Variants in SGCZ observed in about 807,000 individuals in gnomAD.
SGCZ encodes sarcoglycan zeta.
A neutral mutation model predicts 41.3 loss-of-function variants in SGCZ; 40 were observed. That is an observed-to-expected ratio of 0.97 (90% confidence interval 0.75 to 1.26). The LOEUF (loss-of-function observed/expected upper bound fraction) is 1.26, where lower values mean the gene tolerates loss of function less well. Among genes scored for constraint, SGCZ ranks in the 50% most tolerant of loss-of-function variants. SGCZ has a pLI of 0.00. For missense variants in SGCZ, 552 were observed against 369.8 expected (o/e 1.49, Z -4.04); for synonymous variants, 206 against 137.5 (o/e 1.50, Z -3.49).
At chr8:14,385,304 T>C (rs1008847019) in intron 2 of SGCZ, among the ~76,000 whole-genome samples, 1 of 152,146 alleles carries the variant, frequency 6.6e-6, no homozygotes, top group African/African-American at 2.4e-5. Context: ...TTTCTAGTTG[T>C]AAGTTAACTA....
chr8:14,301,222 C>T (rs1801175707), intron 3 of SGCZ, among the ~76,000 whole-genome samples: 1 of 152,010 alleles, frequency 6.6e-6, no homozygotes, highest in East Asian at 1.9e-4. Context: ...TCTGATTCCC[C>T]AATGTATGTA....
chr8:14,322,935 C>G (rs531020118), intron 3 of SGCZ, among the ~76,000 whole-genome samples: 6 of 152,136 alleles, frequency 3.9e-5, no homozygotes, highest in Middle Eastern at 3.4e-3. Context: ...AGCAAAAGAA[C>G]TAAACTTTTC....
At chr8:14,092,547 T>C (rs998104091) in intron 7 of SGCZ, among the ~76,000 whole-genome samples, 16 of 151,982 alleles carry the variant, frequency 1.1e-4, no homozygotes, top group Admixed American at 2.6e-4. Flanking sequence ...ATAATTCCCA[T>C]GTATTGTGGG....
chr8:14,590,197 A>G (rs1805196470), intron 1 of SGCZ, among the ~76,000 whole-genome samples: 1 of 152,148 alleles, frequency 6.6e-6, no homozygotes, highest in Non-Finnish European at 1.5e-5. Flanking sequence ...GAAAAAATAG[A>G]TTTAAATATC....
Position 14,102,508 on chromosome 8 carries a change from A to AAAAC in SGCZ, c.621-13_621-10dup, listed in dbSNP as rs763101834. On this transcript the variant is annotated splice_polypyrimidine_tract_variant and intron_variant, in intron 6 of 7. Coordinates refer to ENST00000382080, the MANE Select transcript of SGCZ (RefSeq NM_139167.4). ...TGGTGGGTGATTCAAGCCTAAGGGAAAAACAAAAAATCATTAATAGGAAAA... is the reference window on the plus strand; with the variant it reads ...TGGTGGGTGATTCAAGCCTAAGGGAAAAACAAACAAAAAATCATTAATAGGAAAA... 1.2e-5 allele frequency: 17 copies of AAAAC among 1,392,996 alleles called. No homozygotes were observed. The East Asian group carries it at 2.9e-4, about 24-fold the overall frequency. The allele number at this position is 1,392,996 out of a possible 1,614,324, so 86.3% of individuals were successfully genotyped here. A position where few individuals can be genotyped will look rare whatever the true frequency, so the allele number is the denominator to read the frequency against.
chr8:14,730,237 T>G (rs1349200235), intron 1 of SGCZ, among the ~76,000 whole-genome samples: 2 of 152,220 alleles, frequency 1.3e-5, no homozygotes, highest in Non-Finnish European at 2.9e-5. Flanking sequence ...ACTGGCACAT[T>G]CTTTATCTGT....
chr8:14,275,735 C>G (rs1443877543), intron 3 of SGCZ, among the ~76,000 whole-genome samples: 2 of 152,124 alleles, frequency 1.3e-5, no homozygotes, highest in Admixed American at 6.5e-5. Context: ...CTGGAGATCC[C>G]TACCGTGCAG....
intron 3 of SGCZ, among the ~76,000 whole-genome samples, chr8:14,294,015 A>G (rs988102293): frequency 1.3e-5 from 2 of 151,846 alleles, no homozygotes; most frequent in Admixed American, 6.6e-5. Flanking sequence ...TATTTAGAAC[A>G]CTATTTTTTC....
At chr8:14,717,996 G>GATAGATATATAT (rs1554487146) in intron 1 of SGCZ, among the ~76,000 whole-genome samples, 8 of 144,920 alleles carry the variant, frequency 5.5e-5, no homozygotes, top group Admixed American at 4.8e-4. Context: ...TCTAAAATAA[G>GATAGATATATAT]ATATATATAT....
intron 1 of SGCZ, among the ~76,000 whole-genome samples, chr8:15,002,066 G>C (rs549682332): frequency 1.3e-5 from 2 of 152,276 alleles, no homozygotes; most frequent in African/African-American, 2.4e-5. Context: ...GTTGCATAGA[G>C]TTGCCGTGAA....
chr8:14,678,894 T>C (rs1017214142), intron 1 of SGCZ, among the ~76,000 whole-genome samples: 2 of 152,258 alleles, frequency 1.3e-5, no homozygotes, highest in South Asian at 2.1e-4. Context: ...TAGAGAAAAC[T>C]TAAGTGCATA....
intron 1 of SGCZ, among the ~76,000 whole-genome samples, chr8:14,820,600 C>T (rs932969846): frequency 2.0e-5 from 3 of 151,958 alleles, no homozygotes; most frequent in Non-Finnish European, 4.4e-5. Flanking sequence ...AGATCACAAA[C>T]GAGTGTTAAC....
intron 1 of SGCZ, among the ~76,000 whole-genome samples, chr8:15,034,716 A>T (rs1803809766): frequency 6.6e-6 from 1 of 152,200 alleles, no homozygotes; most frequent in Admixed American, 6.5e-5. Flanking sequence ...CAGCATGAGA[A>T]AAGAAGCAAG....
intron 2 of SGCZ, among the ~76,000 whole-genome samples, chr8:14,412,624 A>G (rs1207928150): frequency 1.3e-5 from 2 of 152,092 alleles, no homozygotes; most frequent in East Asian, 1.9e-4. Context: ...TGAGTAACCT[A>G]ACCTTTTAAT....
intron 3 of SGCZ, among the ~76,000 whole-genome samples, chr8:14,264,325 C>G (rs763103432): frequency 2.6e-5 from 4 of 152,146 alleles, no homozygotes; most frequent in Admixed American, 6.5e-5. Context: ...AGACCAGCAT[C>G]GGGTCCTTCA....
intron 2 of SGCZ, among the ~76,000 whole-genome samples, chr8:14,470,339 G>C (rs891212952): frequency 1.3e-5 from 2 of 151,956 alleles, no homozygotes; most frequent in Non-Finnish European, 2.9e-5. Flanking sequence ...TGGTCAATTT[G>C]TTGGCACATA....
intron 2 of SGCZ, among the ~76,000 whole-genome samples, chr8:14,391,621 G>A (rs796907212): frequency 1.3e-5 from 2 of 152,050 alleles, no homozygotes; most frequent in African/African-American, 4.8e-5. Flanking sequence ...GCATAGATGG[G>A]TATGAATTAA....
chr8:14,164,932 CAT>C (rs1804163613), intron 4 of SGCZ: 1 of 459,960 alleles, frequency 2.2e-6, no homozygotes, highest in Admixed American at 3.7e-5. Flanking sequence ...GGATGTCTGA[CAT>C]AGCATGTGAG....
chr8:14,996,866 C>A (rs879547490), intron 1 of SGCZ, among the ~76,000 whole-genome samples: 1 of 152,234 alleles, frequency 6.6e-6, no homozygotes, highest in Non-Finnish European at 1.5e-5. Flanking sequence ...TTGAGAGGCA[C>A]TGAAACTTCT....
Sources: gnomAD v4.1 joint callset for allele counts (sites outside exome capture counted in the v4.1 genomes callset) on GRCh38, gnomAD v4.1.1 for gene constraint, MANE v1.5 for transcripts, NCBI Gene and HGNC (gene_info 2026-07-23, HGNC 2026-07-21) for gene names.